The following ANKS1B variants were observed in gnomAD, a reference collection of about 807,000 sequenced individuals.
The protein encoded by ANKS1B is ankyrin repeat and sterile alpha motif domain-containing protein 1B.
ANKS1B carries 36 observed loss-of-function variants against 148.3 expected under a neutral mutation model. That is an observed-to-expected ratio of 0.24 (90% CI 0.19 to 0.32). The LOEUF is 0.32. Among genes scored for constraint, ANKS1B ranks in the 10% least tolerant of loss-of-function variants. The probability of loss-of-function intolerance (pLI) is 1.00; values close to 1 mark genes in which losing one functional copy is unlikely to be tolerated. For missense variants in ANKS1B, 1,157 were observed against 1,542.6 expected, an observed-to-expected ratio of 0.75 and a Z score of 4.19; for synonymous variants, 542 against 560.8, an observed-to-expected ratio of 0.97 and a Z score of 0.47.
intron 15 of ANKS1B, among the ~76,000 whole-genome samples, chr12:99,092,815 C>T (rs1017184315): frequency 9.2e-5 from 14 of 152,158 alleles, no homozygotes; most frequent in Non-Finnish European, 1.9e-4. Context: ...AGATTACCAG[C>T]CATTACATTC....
chr12:98,950,062 G>T (rs2099851692), intron 17 of ANKS1B, among the ~76,000 whole-genome samples: 1 of 152,210 alleles, frequency 6.6e-6, no homozygotes, highest in Non-Finnish European at 1.5e-5. Flanking sequence ...TTCCAAGAGG[G>T]TATGATGGTC....
chr12:98,811,124 A>T (rs2099092068), intron 19 of ANKS1B, among the ~76,000 whole-genome samples: 1 of 152,214 alleles, frequency 6.6e-6, no homozygotes, highest in Admixed American at 6.5e-5. Context: ...TCTACGTAGC[A>T]GCTGCTCCAA....
intron 17 of ANKS1B, among the ~76,000 whole-genome samples, chr12:98,897,412 A>G (rs562917782): frequency 6.6e-6 from 1 of 152,330 alleles, no homozygotes; most frequent in South Asian, 2.1e-4. Flanking sequence ...GGCAAAGGAC[A>G]TGAGCAGACA....
chr12:99,792,169 C>T (rs987191291), intron 4 of ANKS1B, among the ~76,000 whole-genome samples: 5 of 151,820 alleles, frequency 3.3e-5, no homozygotes, highest in Non-Finnish European at 7.4e-5. Context: ...TTCCTACATA[C>T]ATACAATCTA....
At chr12:99,397,402 G>T (rs185512719) in intron 12 of ANKS1B, among the ~76,000 whole-genome samples, 114 of 152,264 alleles carry the variant, frequency 7.5e-4, no homozygotes, top group Non-Finnish European at 1.5e-3. Flanking sequence ...TGACCTCAGT[G>T]CTTACAATGG....
At chr12:99,012,901 AAGGT>A (rs2153416246) in intron 17 of ANKS1B, among the ~76,000 whole-genome samples, 1 of 152,302 alleles carries the variant, frequency 6.6e-6, no homozygotes, top group South Asian at 2.1e-4. Flanking sequence ...GAGCCCCACA[AAGGT>A]CTTTTCTCCC....
chr12:98,782,025 G>C (rs2098741924), intron 23 of ANKS1B, 101 bp downstream of exon 23: 1 of 1,027,622 alleles, frequency 9.7e-7, no homozygotes. Context: ...TGCCTTTCCT[G>C]TTTAGCTTTA....
chr12:99,634,244 A>G (rs1372418169), intron 9 of ANKS1B, among the ~76,000 whole-genome samples: 1 of 152,130 alleles, frequency 6.6e-6, no homozygotes. Context: ...GAATGAGTTA[A>G]TGGATTAATG....
At chr12:99,052,755 A>AAAAAAG (rs1196231097) in intron 17 of ANKS1B, among the ~76,000 whole-genome samples, 4 of 145,210 alleles carry the variant, frequency 2.8e-5, no homozygotes, top group Admixed American at 6.7e-5. Flanking sequence ...AAAAAAAAAA[A>AAAAAAG]AAAGAAATAG....
chr12:98,735,142 G>GGA, exon 10 of ANKS1B: 1 of 398,764 alleles, frequency 2.5e-6, no homozygotes, highest in Non-Finnish European at 4.4e-6. Context: ...CTAGTATGAT[G>GGA]GAGCTGCAAA....
chr12:99,878,940 T>A (rs899677065), intron 1 of ANKS1B, among the ~76,000 whole-genome samples: 5 of 152,144 alleles, frequency 3.3e-5, no homozygotes, highest in Non-Finnish European at 7.3e-5. Context: ...TGAGCTTTAT[T>A]TTGTTATTGT....
intron 4 of ANKS1B, among the ~76,000 whole-genome samples, chr12:99,792,610 AC>A (rs1385978328): frequency 3.3e-5 from 5 of 151,936 alleles, no homozygotes; most frequent in African/African-American, 1.2e-4. Context: ...AGGACAAAAA[AC>A]ATTATCATTT....
chr12:99,444,856 C>G (rs573812254), intron 10 of ANKS1B, among the ~76,000 whole-genome samples: 1 of 151,980 alleles, frequency 6.6e-6, no homozygotes, highest in Non-Finnish European at 1.5e-5. Context: ...TGTTCCTGAT[C>G]GCTGTCTACA....
chr12:99,139,219 TC>T (rs2069248981), intron 15 of ANKS1B, among the ~76,000 whole-genome samples: 1 of 145,076 alleles, frequency 6.9e-6, no homozygotes, highest in South Asian at 2.2e-4. Flanking sequence ...TCCTTCCTTC[TC>T]TTTCTTTCCT....
intron 8 of ANKS1B, among the ~76,000 whole-genome samples, chr12:99,663,281 C>T (rs776443468): frequency 1.3e-5 from 2 of 152,054 alleles, no homozygotes; most frequent in Admixed American, 1.3e-4. Flanking sequence ...AGAGATATCA[C>T]ATGCCACAGT....
chr12:99,549,860 A>G (rs929495847), intron 9 of ANKS1B, among the ~76,000 whole-genome samples: 1 of 152,218 alleles, frequency 6.6e-6, no homozygotes, highest in Non-Finnish European at 1.5e-5. Context: ...ATCCTGCTGG[A>G]TAAGTCCCAG....
chr12:99,387,481 T>C (rs1476407469), intron 12 of ANKS1B, among the ~76,000 whole-genome samples: 2 of 151,986 alleles, frequency 1.3e-5, no homozygotes, highest in Non-Finnish European at 2.9e-5. Flanking sequence ...CCAAGTGTGG[T>C]GGTGCGTGCC....
chr12:99,504,729 T>C (rs1487112158), intron 9 of ANKS1B, 88 bp from the exon 10 acceptor site: 1 of 1,028,784 alleles, frequency 9.7e-7, no homozygotes, highest in African/African-American at 1.6e-5. Context: ...ATCAGGTTCA[T>C]TAGTTCTTTC....
chr12:99,811,418 G>T (rs1035337345), intron 3 of ANKS1B, among the ~76,000 whole-genome samples: 3 of 151,844 alleles, frequency 2.0e-5, no homozygotes, highest in African/African-American at 4.8e-5. Context: ...AATGGGAACA[G>T]TAGGGGGCAT....
Sources: gnomAD v4.1 joint callset for allele counts (sites outside exome capture counted in the v4.1 genomes callset) on GRCh38, gnomAD v4.1.1 for gene constraint, MANE v1.5 for transcripts, NCBI Gene and HGNC (gene_info 2026-07-23, HGNC 2026-07-21) for gene names.